The following MAF variants were observed in gnomAD, a reference collection of about 807,000 sequenced individuals.
MAF encodes the protein transcription factor Maf.
Under a neutral mutation model 22.0 loss-of-function variants are expected in MAF, and 10 were observed. The observed-to-expected ratio is 0.45, with a 90% CI of 0.28 to 0.77. MAF has a LOEUF of 0.77. Ranked by LOEUF, MAF falls within the 30% of genes least tolerant of loss-of-function variation. MAF has a pLI of 0.12. For missense variants in MAF, 544 were observed against 548.4 expected (o/e 0.99, Z 0.08); for synonymous variants, 337 against 255.8 (o/e 1.32, Z -3.03).
chr16:79,445,724 C>G, the MAF span, among the ~76,000 whole-genome samples: 1 of 152,208 alleles, frequency 6.6e-6, no homozygotes, highest in Non-Finnish European at 1.5e-5. Context: ...TTGCATCAGA[C>G]GCTCCCTCAT....
chr16:79,286,388 T>G, the MAF span, among the ~76,000 whole-genome samples: 1 of 152,204 alleles, frequency 6.6e-6, no homozygotes, highest in Non-Finnish European at 1.5e-5. Context: ...TGAGGTCACC[T>G]GATATTGAAA....
chr16:79,260,368 T>A, the MAF span, among the ~76,000 whole-genome samples: 2 of 152,142 alleles, frequency 1.3e-5, no homozygotes, highest in Admixed American at 1.3e-4. Flanking sequence ...CACAGGCTGG[T>A]CTTGAAATCC....
intron 1 of MAF, chr16:79,597,249 C>T: frequency 9.5e-7 from 1 of 1,048,666 alleles, no homozygotes; most frequent in Non-Finnish European, 1.2e-6. Context: ...TATAACATTC[C>T]TTTATCTGTA....
the MAF span, among the ~76,000 whole-genome samples, chr16:79,513,644 C>A: frequency 3.9e-5 from 6 of 152,150 alleles, no homozygotes; most frequent in African/African-American, 1.4e-4. Context: ...ACTTAATCTC[C>A]CTGTCCCTCT....
At position 79,600,169 on chromosome 16, in the gene MAF, C is replaced by G. The variant is rs987442863; in HGVS notation, c.-267G>C. 290 of 402,858 alleles carry G rather than the reference C, an allele frequency of 7.2e-4. No individual in the cohort carries two copies. Among genetic ancestry groups the G allele is most frequent in the Non-Finnish European group, 1.1e-3 (256 of 227,166 alleles). 25.0% of individuals were successfully genotyped at this position (402,858 alleles called of 1,614,324 possible). On this transcript the variant is annotated 5_prime_UTR_variant, in exon 1 of 2. Coordinates refer to ENST00000326043, the MANE Select transcript of MAF (RefSeq NM_005360.5). The stretch of plus-strand genomic sequence containing the variant: ...TCGCCCCGGCCCCTCCTTGCTCGCT[C>G]GCCTCCTTGCGCGCCGAGCCGGCGG...
the MAF span, among the ~76,000 whole-genome samples, chr16:79,308,540 G>A: frequency 6.6e-6 from 1 of 152,130 alleles, no homozygotes; most frequent in Admixed American, 6.5e-5. Context: ...TGAAATGCTA[G>A]CAAAAGCCTG....
the MAF span, among the ~76,000 whole-genome samples, chr16:79,526,116 G>C: frequency 6.6e-6 from 1 of 152,144 alleles, no homozygotes; most frequent in East Asian, 1.9e-4. Flanking sequence ...TGTTTCAAAT[G>C]TGAAGAGATT....
intron 1 of MAF, chr16:79,597,712 C>T: frequency 9.8e-7 from 1 of 1,019,554 alleles, no homozygotes; most frequent in Non-Finnish European, 1.2e-6. Flanking sequence ...GTATGAATGC[C>T]ATGCTATAAG....
the MAF span, among the ~76,000 whole-genome samples, chr16:79,521,648 G>A: frequency 2.0e-5 from 3 of 152,044 alleles, no homozygotes; most frequent in Non-Finnish European, 2.9e-5. Flanking sequence ...CAAAGTCCAC[G>A]CATCACGCAG....
the MAF span, among the ~76,000 whole-genome samples, chr16:79,293,747 C>A: frequency 6.6e-6 from 1 of 152,130 alleles, no homozygotes; most frequent in South Asian, 2.1e-4. Flanking sequence ...GGAAAGGCAA[C>A]TTTATCAGAG....
chr16:79,585,965 T>C (rs763577243), intron 1 of MAF: 6 of 671,720 alleles, frequency 8.9e-6, no homozygotes, highest in Non-Finnish European at 1.3e-5. Flanking sequence ...TATATTAAAA[T>C]AAACAAAGGG....
the MAF span, among the ~76,000 whole-genome samples, chr16:79,304,254 G>A: frequency 0.062 from 9,438 of 152,198 alleles, 350 homozygotes; most frequent in Middle Eastern, 0.16. Flanking sequence ...AGCCCGGGAA[G>A]CATCGCTCCC....
the MAF span, among the ~76,000 whole-genome samples, chr16:79,547,976 A>G: frequency 6.6e-6 from 1 of 152,078 alleles, no homozygotes; most frequent in African/African-American, 2.4e-5. Flanking sequence ...GCTGTTTCCT[A>G]AATATATTTC....
chr16:79,346,249 A>G, the MAF span, among the ~76,000 whole-genome samples: 5 of 145,814 alleles, frequency 3.4e-5, no homozygotes, highest in South Asian at 8.5e-4. Flanking sequence ...TCACTGTTCA[A>G]TTCCCACCTG....
At chr16:79,597,753 A>G (rs936936117) in intron 1 of MAF, 1 of 612,532 alleles carries the variant, frequency 1.6e-6, no homozygotes, top group East Asian at 1.8e-4. Flanking sequence ...AGCCAAAAGG[A>G]AAAAAAAAGG....
the MAF span, among the ~76,000 whole-genome samples, chr16:79,207,224 C>A: frequency 6.6e-6 from 1 of 152,230 alleles, no homozygotes; most frequent in Non-Finnish European, 1.5e-5. Flanking sequence ...GGTGTATTCA[C>A]AGAGTCAATG....
chr16:79,295,255 T>C, the MAF span, among the ~76,000 whole-genome samples: 1 of 152,140 alleles, frequency 6.6e-6, no homozygotes, highest in Admixed American at 6.5e-5. Context: ...AAAGAAAAAT[T>C]TCAGCCAAAT....
the MAF span, among the ~76,000 whole-genome samples, chr16:79,533,179 C>G: frequency 0.59 from 90,067 of 151,974 alleles, 29,172 homozygotes; most frequent in Non-Finnish European, 0.73. Flanking sequence ...AATTATTTAT[C>G]TATGCCTTAA....
the MAF span, among the ~76,000 whole-genome samples, chr16:79,433,267 TA>T: frequency 0.032 from 4,435 of 139,330 alleles, 88 homozygotes; most frequent in South Asian, 0.052. Context: ...ATAAGACAAG[TA>T]AAAAAAAAAA....
Sources: gnomAD v4.1 joint callset for allele counts (sites outside exome capture counted in the v4.1 genomes callset) on GRCh38, gnomAD v4.1.1 for gene constraint, MANE v1.5 for transcripts, NCBI Gene and HGNC (gene_info 2026-07-23, HGNC 2026-07-21) for gene names.